The following PPP3R1 variants were observed in gnomAD, a reference collection of about 807,000 sequenced individuals.
The protein encoded by PPP3R1 is protein phosphatase 3 regulatory subunit B, alpha, also known as calcineurin subunit B type 1.
PPP3R1 carries 5 observed loss-of-function variants against 22.6 expected under a neutral mutation model. That is an observed-to-expected ratio of 0.22 (90% CI 0.12 to 0.46). The LOEUF is 0.46. PPP3R1 is among the 20% of genes least tolerant of loss of function. The pLI, the probability that PPP3R1 is intolerant of heterozygous loss-of-function variation, is 0.99. For synonymous variants in PPP3R1, 56 were observed against 65.2 expected (o/e 0.86, Z 0.68); for missense variants, 61 against 203.2 (o/e 0.30, Z 4.25).
chr2:68,186,216 G>T (rs12994570), intron 5 of PPP3R1, among the ~76,000 whole-genome samples: 36,565 of 152,140 alleles, frequency 0.24, 4,607 homozygotes, highest in African/African-American at 0.28. Flanking sequence ...GAAGCAATGA[G>T]TGATTAAATG....
At chr2:68,208,315 T>C (rs1204147142) in intron 2 of PPP3R1, among the ~76,000 whole-genome samples, 2 of 152,236 alleles carry the variant, frequency 1.3e-5, no homozygotes, top group East Asian at 3.8e-4. Flanking sequence ...AAGCCCACTA[T>C]AGTCTACAAG....
intron 1 of PPP3R1, among the ~76,000 whole-genome samples, chr2:68,241,939 T>G (rs554282208): frequency 6.6e-6 from 1 of 152,260 alleles, no homozygotes; most frequent in African/African-American, 2.4e-5. Context: ...TGGAAACTTC[T>G]GCCACAATGG....
chr2:68,210,905 T>C (rs1466728624), intron 2 of PPP3R1, among the ~76,000 whole-genome samples: 4 of 152,186 alleles, frequency 2.6e-5, no homozygotes, highest in Admixed American at 6.5e-5. Flanking sequence ...TTTGGGATGC[T>C]CAGTCAGTAT....
intron 1 of PPP3R1, among the ~76,000 whole-genome samples, chr2:68,232,814 C>G (rs1164563059): frequency 6.6e-6 from 1 of 152,094 alleles, no homozygotes; most frequent in African/African-American, 2.4e-5. Context: ...GCCATATTGG[C>G]CAGGCTGGTC....
chr2:68,233,561 A>G (rs1285345479), intron 1 of PPP3R1, among the ~76,000 whole-genome samples: 1 of 152,198 alleles, frequency 6.6e-6, no homozygotes, highest in African/African-American at 2.4e-5. Context: ...AGTACACTGT[A>G]AGCAATCAAT....
chr2:68,232,134 C>CACACACACACACAA (rs1558641307), intron 1 of PPP3R1, among the ~76,000 whole-genome samples: 1 of 108,994 alleles, frequency 9.2e-6, no homozygotes, highest in African/African-American at 3.2e-5. Flanking sequence ...TACACACACA[C>CACACACACACACAA]ACACATATAT....
At position 68,179,890 on chromosome 2, in the gene PPP3R1, T is replaced by TACATGC. The variant is rs1396002558; in HGVS notation, c.*1067_*1072dup. ...AAATATATGTGGGTGTTTAGATACA[T>TACATGC]ACATGCATATTAAATATCACCAGTT... On this transcript the variant is annotated 3_prime_UTR_variant, in exon 6 of 6. Coordinates refer to ENST00000234310, the MANE Select transcript of PPP3R1 (RefSeq NM_000945.4). 6 of 152,258 alleles carry TACATGC rather than the reference T, an allele frequency of 3.9e-5. No individual in the cohort carries two copies. Among genetic ancestry groups the TACATGC allele is most frequent in the Non-Finnish European group, 8.8e-5 (6 of 68,044 alleles). 9.4% of individuals were successfully genotyped at this position (152,258 alleles called of 1,614,324 possible). A position where few individuals can be genotyped will look rare whatever the true frequency, so the allele number is the denominator to read the frequency against.
chr2:68,241,616 A>C (rs956880553), intron 1 of PPP3R1, among the ~76,000 whole-genome samples: 1 of 152,216 alleles, frequency 6.6e-6, no homozygotes, highest in Non-Finnish European at 1.5e-5. Flanking sequence ...TGGGAGGCCA[A>C]GGTGGGCGGA....
chr2:68,188,617 A>G lies in PPP3R1; in HGVS notation c.117T>C (p.Ser39=). The change falls in exon 3 of 6, where the codon AGT becomes AGC. Residue 39 remains serine (S), a synonymous_variant. Coordinates refer to ENST00000234310, the MANE Select transcript of PPP3R1 (RefSeq NM_000945.4). ...CAGGCAGAGACATGAACTCTTCCAC[A>G]CTCAAAGAACCAGAATTGTCCAAAT... ...KLDLDNSGSL[S]VEEFMSLPEL... is the part of the protein sequence containing the mutation. 1 of 1,613,576 alleles carries G rather than the reference A, an allele frequency of 6.2e-7. No homozygotes were observed. The highest frequency in any genetic ancestry group is 1.7e-5 in the Admixed American group (1 of 60,012).
chr2:68,186,744 C>T (rs1035346817), intron 4 of PPP3R1, 92 bp from the exon 5 acceptor site: 2 of 1,140,924 alleles, frequency 1.8e-6, no homozygotes, highest in Non-Finnish European at 2.5e-6. Context: ...TGACAAACAT[C>T]AAAATTATGA....
Position 68,232,685 on chromosome 2 carries a change from C to T in PPP3R1, c.4-15554G>A, listed in dbSNP as rs966513758. ...GCAGTGGCACGATCTCAGCTCACTGCAATCTCCACCTCACAGGTTCAAGCA... is the reference window on the plus strand; with the variant it reads ...GCAGTGGCACGATCTCAGCTCACTGTAATCTCCACCTCACAGGTTCAAGCA... On this transcript the variant is annotated intron_variant, in intron 1 of 5. Coordinates refer to ENST00000234310, the MANE Select transcript of PPP3R1 (RefSeq NM_000945.4). Among the ~76,000 whole-genome samples, 40 of 152,042 alleles carry T rather than the reference C, an allele frequency of 2.6e-4. 1 individual carries two copies. Among genetic ancestry groups the T allele is most frequent in the Non-Finnish European group, 5.9e-5 (4 of 68,004 alleles).
chr2:68,228,240 A>G (rs1248142199), intron 1 of PPP3R1, among the ~76,000 whole-genome samples: 1 of 152,314 alleles, frequency 6.6e-6, no homozygotes, highest in Non-Finnish European at 1.5e-5. Flanking sequence ...TAAAACCACC[A>G]TAACTGATTA....
At position 68,178,916 on chromosome 2, in the gene PPP3R1, A is replaced by G. The variant is rs1386370259; in HGVS notation, c.*2047T>C. 2 of 151,926 alleles carry G rather than the reference A, an allele frequency of 1.3e-5. No homozygotes were observed. Among genetic ancestry groups the G allele is most frequent in the East Asian group, 1.9e-4 (1 of 5,194 alleles). The allele number at this position is 151,926 out of a possible 1,614,324, so 9.4% of individuals were successfully genotyped here. On this transcript the variant is annotated 3_prime_UTR_variant, in exon 6 of 6. Coordinates refer to ENST00000234310, the MANE Select transcript of PPP3R1 (RefSeq NM_000945.4). ...GTATGAAGTTTTCTAAAGATCCCAC[A>G]ACATGACGTATCATGCAGAAGAAAA...
At position 68,232,124 on chromosome 2, in the gene PPP3R1, T is replaced by TATACAC. The variant is rs1553408863; in HGVS notation, c.4-14994_4-14993insGTGTAT. Among the ~76,000 whole-genome samples the TATACAC allele has an allele frequency of 4.2e-4, 41 of 98,000 alleles. 3 individuals are homozygous for TATACAC. Among genetic ancestry groups the TATACAC allele is most frequent in the African/African-American group, 1.4e-3 (35 of 24,186 alleles). 64.3% of individuals were successfully genotyped at this position (98,000 alleles called of 152,430 possible). On this transcript the variant is annotated intron_variant, in intron 1 of 5. Transcript: ENST00000234310. ...AAAAAAAAAAATATATATATATATATACACACACACACACATATATATGTA... is the reference window on the plus strand; with the variant it reads ...AAAAAAAAAAATATATATATATATATATACACACACACACACACACATATATATGTA...
Position 68,187,126 on chromosome 2 carries a change from T to C in PPP3R1, c.280+129A>G, listed in dbSNP as rs1283170843. ...TCCTAAAAGGATTTTCACCAGAATG[T>C]AAAATTTCAGTTATGTCTAAGGATC... On this transcript the variant is annotated intron_variant, in intron 4 of 5. Coordinates refer to ENST00000234310, the MANE Select transcript of PPP3R1 (RefSeq NM_000945.4). 6.9e-6 allele frequency: 5 copies of C among 727,528 alleles called. No homozygotes were observed. The South Asian group carries it at 8.3e-5, about 12-fold the overall frequency. 45.1% of individuals were successfully genotyped at this position (727,528 alleles called of 1,614,324 possible).
rs1243453701 is a variant in PPP3R1 at position 68,180,231 on chromosome 2, G to T, written c.*732C>A. The T allele has an allele frequency of 1.3e-5, 2 of 152,278 alleles. No homozygotes were observed. Among genetic ancestry groups the T allele is most frequent in the Non-Finnish European group, 1.5e-5 (1 of 68,044 alleles). 9.4% of individuals were successfully genotyped at this position (152,278 alleles called of 1,614,324 possible). On this transcript the variant is annotated 3_prime_UTR_variant, in exon 6 of 6. Transcript: ENST00000234310. ...CTGTGCAGTTACTATATGAACACAA[G>T]AACTAGCTCTTGGCAGTAGCAATGA...
At chr2:68,207,967 C>A (rs554781384) in intron 2 of PPP3R1, among the ~76,000 whole-genome samples, 2 of 152,272 alleles carry the variant, frequency 1.3e-5, no homozygotes, top group African/African-American at 4.8e-5. Flanking sequence ...ACAAGCCTTG[C>A]CAACATGGTG....
intron 1 of PPP3R1, among the ~76,000 whole-genome samples, chr2:68,250,413 G>A (rs756049206): frequency 7.2e-5 from 11 of 152,206 alleles, no homozygotes; most frequent in Non-Finnish European, 1.5e-4. Context: ...CCACTTCGCT[G>A]TATAATATAT....
chr2:68,201,074 C>T (rs1276157299), intron 2 of PPP3R1, among the ~76,000 whole-genome samples: 1 of 152,028 alleles, frequency 6.6e-6, no homozygotes, highest in Non-Finnish European at 1.5e-5. Flanking sequence ...ACATCTTATT[C>T]AAAAGATCTG....
Sources: allele counts gnomAD v4.1 joint callset (sites outside exome capture counted in the v4.1 genomes callset), GRCh38; gene constraint gnomAD v4.1.1; transcripts MANE v1.5; gene names NCBI Gene and HGNC (gene_info 2026-07-23, HGNC 2026-07-21).